Variants in FAM193A observed in about 807,000 individuals in gnomAD.
The protein encoded by FAM193A is family with sequence similarity 193 member A.
A neutral mutation model predicts 126.5 loss-of-function variants in FAM193A; 22 were observed. The observed-to-expected ratio is 0.17, with a 90% CI of 0.12 to 0.25. The LOEUF is 0.25. FAM193A is among the 10% of genes least tolerant of loss of function. The pLI, the probability that FAM193A is intolerant of heterozygous loss-of-function variation, is 1.00. For missense variants in FAM193A, 1,675 were observed against 1,672.8 expected, an observed-to-expected ratio of 1.00 and a Z score of -0.02; for synonymous variants, 761 against 646.8, an observed-to-expected ratio of 1.18 and a Z score of -2.68.
intron 2 of FAM193A, among the ~76,000 whole-genome samples, chr4:2,617,499 C>T (rs563074381): frequency 6.6e-5 from 10 of 150,990 alleles, no homozygotes; most frequent in South Asian, 2.1e-4. Flanking sequence ...CTCCTGACCT[C>T]GTGATCCACC....
intron 20 of FAM193A, among the ~76,000 whole-genome samples, chr4:2,721,334 AAAAAAAAG>A (rs1283114119): frequency 8.2e-6 from 1 of 121,758 alleles, no homozygotes; most frequent in African/African-American, 2.7e-5. Context: ...AAAAAAAAAA[AAAAAAAAG>A]CCAGGCATGG....
chr4:2,623,372 A>C (rs954575244), intron 2 of FAM193A, among the ~76,000 whole-genome samples: 9 of 152,016 alleles, frequency 5.9e-5, no homozygotes, highest in African/African-American at 2.2e-4. Flanking sequence ...GGGTTTCACC[A>C]TGTTGGCCAG....
chr4:2,573,925 C>T lies in FAM193A; in HGVS notation c.256-22159C>T, dbSNP rs140205234. Among the ~76,000 whole-genome samples the T allele has an allele frequency of 2.8e-3, 432 of 152,250 alleles. 1 individual carries two copies. The highest frequency in any genetic ancestry group is 7.8e-3 in the African/African-American group (322 of 41,534). ...AGGGAGACAAACAGTACAAAGGCCT[C>T]GTCTGGGAGCACCCTTAGGTGTCCA... On this transcript the variant is annotated intron_variant, in intron 1 of 20. Transcript: ENST00000637812.
At chr4:2,639,937 A>G in intron 6 of FAM193A, 78 bp downstream of exon 6, 1 of 1,342,620 alleles carries the variant, frequency 7.4e-7, no homozygotes, top group Non-Finnish European at 1.0e-6. Context: ...CGTGTACCCG[A>G]GTACCACTGA....
chr4:2,727,420 A>G (rs572140800), intron 20 of FAM193A, among the ~76,000 whole-genome samples: 2 of 152,306 alleles, frequency 1.3e-5, no homozygotes, highest in Admixed American at 6.5e-5. Context: ...TTTTTGAGAC[A>G]CAGTCTCTCA....
chr4:2,562,641 T>C (rs954860189), intron 1 of FAM193A, among the ~76,000 whole-genome samples: 6 of 151,986 alleles, frequency 3.9e-5, no homozygotes, highest in Admixed American at 3.9e-4. Flanking sequence ...TTTTTGTTTT[T>C]TTTTTTTTAG....
chr4:2,544,868 C>T (rs570494891), intron 1 of FAM193A, among the ~76,000 whole-genome samples: 9 of 151,786 alleles, frequency 5.9e-5, no homozygotes, highest in African/African-American at 1.9e-4. Context: ...GAGACCTCAT[C>T]TTAAAAAAAA....
intron 1 of FAM193A, among the ~76,000 whole-genome samples, chr4:2,588,018 G>A (rs1008821865): frequency 3.9e-5 from 6 of 152,204 alleles, no homozygotes; most frequent in African/African-American, 1.2e-4. Flanking sequence ...GCAGGTCTGC[G>A]GATGTGTGGG....
chr4:2,694,835 G>C (rs531900584), intron 16 of FAM193A, 111 bp from the exon 17 acceptor site: 2 of 898,038 alleles, frequency 2.2e-6, no homozygotes, highest in African/African-American at 3.4e-5. Flanking sequence ...CACCCTCTGC[G>C]CTGCCTCTTG....
At chr4:2,653,338 CAG>C (rs929981290) in intron 7 of FAM193A, among the ~76,000 whole-genome samples, 3 of 152,292 alleles carry the variant, frequency 2.0e-5, no homozygotes, top group Admixed American at 6.5e-5. Context: ...GAGAAAATAA[CAG>C]TGTCACTTAA....
chr4:2,679,629 C>CG (rs1714865749), intron 13 of FAM193A, among the ~76,000 whole-genome samples: 1 of 151,766 alleles, frequency 6.6e-6, no homozygotes, highest in Non-Finnish European at 1.5e-5. Context: ...CCACCCGCCT[C>CG]GGTCTCCCAA....
intron 19 of FAM193A, among the ~76,000 whole-genome samples, chr4:2,705,499 A>C (rs551474912): frequency 1.3e-5 from 2 of 151,750 alleles, no homozygotes; most frequent in African/African-American, 2.4e-5. Flanking sequence ...TATGTTTGGA[A>C]ATTTTTCTTC....
At chr4:2,582,175 A>G (rs1739981656) in intron 1 of FAM193A, among the ~76,000 whole-genome samples, 1 of 151,888 alleles carries the variant, frequency 6.6e-6, no homozygotes, top group Non-Finnish European at 1.5e-5. Flanking sequence ...TCTTTTCGAG[A>G]CAAGGTCTTG....
rs769627283 is a variant in FAM193A, at chr4:2,659,939, G to C, written c.1630G>C (p.Glu544Gln). 6.2e-7 allele frequency: 1 copy of C among 1,614,010 alleles called. No homozygotes were observed. Among genetic ancestry groups the C allele is most frequent in the African/African-American group, 1.3e-5 (1 of 74,904 alleles). ...QVDPAPDYLA[E>Q]RSPPSVSSAS... ...GGATCCTGCTCCTGACTATCTTGCTGAGAGGAGCCCGCCCAGTGTGTCATC... is the reference window on the plus strand; with the variant it reads ...GGATCCTGCTCCTGACTATCTTGCTCAGAGGAGCCCGCCCAGTGTGTCATC... Residue 544 changes from glutamate to glutamine, a missense_variant, in exon 10 of 21, where the codon GAG becomes CAG. Physicochemically the swap from Glu to Gln is conservative, Grantham distance 29. Transcript: ENST00000637812.
intron 1 of FAM193A, among the ~76,000 whole-genome samples, chr4:2,561,696 C>T (rs760064729): frequency 2.0e-5 from 3 of 151,806 alleles, no homozygotes; most frequent in East Asian, 1.9e-4. Context: ...GGGGTTTCAC[C>T]GTGTTGGCCA....
At chr4:2,728,245 T>TG in intron 20 of FAM193A, among the ~76,000 whole-genome samples, 1 of 146,092 alleles carries the variant, frequency 6.8e-6, no homozygotes, top group Non-Finnish European at 1.5e-5. Context: ...CCAATTTTTT[T>TG]TTTTTTTTTT....
chr4:2,595,575 G>A (rs979766697), intron 1 of FAM193A, among the ~76,000 whole-genome samples: 5 of 152,190 alleles, frequency 3.3e-5, no homozygotes, highest in Non-Finnish European at 5.9e-5. Flanking sequence ...TGCTGGGCCT[G>A]GAAGGGCGTC....
At chr4:2,637,561 C>A (rs1459593254) in intron 5 of FAM193A, among the ~76,000 whole-genome samples, 1 of 152,298 alleles carries the variant, frequency 6.6e-6, no homozygotes, top group East Asian at 1.9e-4. Flanking sequence ...AACCCCCAAA[C>A]CTTTTTTGTA....
intron 16 of FAM193A, among the ~76,000 whole-genome samples, chr4:2,694,537 G>A (rs1716812185): frequency 6.6e-6 from 1 of 152,120 alleles, no homozygotes; most frequent in South Asian, 2.1e-4. Context: ...AGAGTGCTGG[G>A]AGTACAGACG....
Sources: allele counts gnomAD v4.1 joint callset (sites outside exome capture counted in the v4.1 genomes callset), GRCh38; gene constraint gnomAD v4.1.1; transcripts MANE v1.5; gene names NCBI Gene and HGNC (gene_info 2026-07-23, HGNC 2026-07-21).